TCF3: variants seen among roughly 807,000 people sequenced by gnomAD.
The protein encoded by TCF3 is transcription factor 3.
A neutral mutation model predicts 72.3 loss-of-function variants in TCF3; 54 were observed. That is an observed-to-expected ratio of 0.75 (90% CI 0.60 to 0.94). The LOEUF (loss-of-function observed/expected upper bound fraction) is 0.94, where lower values mean the gene tolerates loss of function less well. Among genes scored for constraint, TCF3 ranks in the 40% least tolerant of loss-of-function variants. TCF3 has a pLI of 0.00. For synonymous variants in TCF3, 525 were observed against 412.6 expected (o/e 1.27, Z -3.30); for missense variants, 1,078 against 934.4 (o/e 1.15, Z -2.00).
At chr19:1,633,680 T>TG (rs1184712484) in intron 3 of TCF3, among the ~76,000 whole-genome samples, 1 of 152,018 alleles carries the variant, frequency 6.6e-6, no homozygotes, top group Non-Finnish European at 1.5e-5. Context: ...TGATTATGAG[T>TG]GGGGGGCTGG....
chr19:1,619,341 G>A lies in TCF3; in HGVS notation c.1301C>T (p.Ser434Leu), dbSNP rs1374041936. 9 of 1,581,334 alleles carry A rather than the reference G, an allele frequency of 5.7e-6. No individual in the cohort carries two copies. The highest frequency in any genetic ancestry group is 3.3e-5 in the South Asian group (3 of 89,606). The change falls in exon 15 of 19, where the codon TCA becomes TTA. Residue 434 changes from serine (S) to leucine (L), a missense_variant. By Grantham distance (145) the Ser-to-Leu change is moderately radical. Coordinates refer to ENST00000262965, the MANE Select transcript of TCF3 (RefSeq NM_003200.5). ...CAGGCCTGCGTGCCGCCCGCCCAGTGACATGGGGCCGGTGAAACCTGAGGC... is the reference window on the plus strand; with the variant it reads ...CAGGCCTGCGTGCCGCCCGCCCAGTAACATGGGGCCGGTGAAACCTGAGGC... ...ALASGFTGPMSLGGRHAGLVG... is the reference protein window; with the variant it reads ...ALASGFTGPMLLGGRHAGLVG...
chr19:1,622,124 G>C lies in TCF3; in HGVS notation c.752C>G (p.Pro251Arg), dbSNP rs2062313596. 9 of 1,597,580 alleles carry C rather than the reference G, an allele frequency of 5.6e-6. No individual in the cohort carries two copies. In the Admixed American group the frequency reaches 1.4e-4, roughly 24 times the overall value. Residue 251 changes from proline (P) to arginine (R), a missense_variant, in exon 10 of 19, where the codon CCC becomes CGC. Transcript: ENST00000262965. ...GGGSSPLPLP[P>R]GSGPVGSSGS... is the part of the protein sequence containing the mutation. ...ACTGCTGCCCACCGGGCCGCTACCGGGCGGGAGGGGCAGCGGGGATGAGCC... is the reference window on the plus strand; with the variant it reads ...ACTGCTGCCCACCGGGCCGCTACCGCGCGGGAGGGGCAGCGGGGATGAGCC...
At position 1,609,410 on chromosome 19, in the gene TCF3, G is replaced by A. The variant is rs1178963275; in HGVS notation, c.*2297C>T. ...ATCATCCAGCCAGCTGTGTTGACAC[G>A]TATACAATTATTTTCTTTAAAAAAA... On this transcript the variant is annotated 3_prime_UTR_variant, in exon 19 of 19. Coordinates refer to ENST00000262965, the MANE Select transcript of TCF3 (RefSeq NM_003200.5). The A allele has an allele frequency of 3.9e-5, 8 of 206,404 alleles. No homozygotes were observed. Among genetic ancestry groups the A allele is most frequent in the South Asian group, 1.9e-4 (1 of 5,302 alleles). 12.8% of individuals were successfully genotyped at this position (206,404 alleles called of 1,614,324 possible). A position where few individuals can be genotyped will look rare whatever the true frequency, so the allele number is the denominator to read the frequency against.
At chr19:1,627,495 G>A (rs1292586547) in intron 5 of TCF3, 69 bp from the exon 6 acceptor site, 1 of 1,426,670 alleles carries the variant, frequency 7.0e-7, no homozygotes, top group Non-Finnish European at 9.8e-7. Context: ...CCGAGTGCCT[G>A]CCATGTGCCT....
At chr19:1,646,602 A>T (rs2066138261) in intron 2 of TCF3, among the ~76,000 whole-genome samples, 175 bp from the exon 3 acceptor site, 1 of 151,882 alleles carries the variant, frequency 6.6e-6, no homozygotes, top group Non-Finnish European at 1.5e-5. Flanking sequence ...GACTCTGAGG[A>T]CTCGCGTGCC....
At chr19:1,650,117 C>A in intron 2 of TCF3, 60 bp downstream of exon 2, 3 of 1,478,384 alleles carry the variant, frequency 2.0e-6, no homozygotes, top group Non-Finnish European at 2.8e-6. Context: ...CCCCTGAAAA[C>A]CTTCCCGTGA....
intron 5 of TCF3, among the ~76,000 whole-genome samples, chr19:1,628,607 G>T (rs1308726293): frequency 8.9e-5 from 1 of 11,242 alleles, no homozygotes; most frequent in Non-Finnish European, 1.4e-4. Flanking sequence ...CAGGGGGTGA[G>T]GCGGGAAGGG....
intron 3 of TCF3, among the ~76,000 whole-genome samples, chr19:1,633,423 C>T (rs531919043): frequency 6.6e-6 from 1 of 152,152 alleles, no homozygotes; most frequent in Non-Finnish European, 1.5e-5. Context: ...TGTCTGTGAC[C>T]GGCACCACCT....
rs978297241 is a variant in TCF3 at position 1,622,138 on chromosome 19, C to T, written c.738G>A (p.Pro246=). The part of the protein sequence containing the change: ...FGPMLGGGSS[P]LPLPPGSGPV... ...GGCCGCTACCGGGCGGGAGGGGCAG[C>T]GGGGATGAGCCCCCACCCAGCATGG... The change falls in exon 10 of 19, where the codon CCG becomes CCA. Residue 246 remains proline (P), a synonymous_variant. Transcript: ENST00000262965. The T allele has an allele frequency of 1.9e-5, 30 of 1,587,576 alleles. No homozygotes were observed. Among genetic ancestry groups the T allele is most frequent in the Non-Finnish European group, 2.5e-5 (29 of 1,169,484 alleles).
In TCF3 at chr19:1,627,340, C is replaced by A. The variant is rs1321529079; in HGVS notation, c.366+19G>T. On this transcript the variant is annotated intron_variant, in intron 6 of 18. Transcript: ENST00000262965. ...TGTTTAAAATCAAAATACACCCCAG[C>A]CCGGCCCGAGCCCCTCACCTGAGTC... is the stretch of plus-strand genomic sequence containing the variant. 2 of 1,599,840 alleles carry A rather than the reference C, an allele frequency of 1.3e-6. No individual in the cohort carries two copies. Among genetic ancestry groups the A allele is most frequent in the Non-Finnish European group, 8.5e-7 (1 of 1,173,464 alleles).
chr19:1,612,268 G>C lies in TCF3; in HGVS notation c.1823-419C>G. On this transcript the variant is annotated intron_variant, in intron 18 of 18. Coordinates refer to ENST00000262965, the MANE Select transcript of TCF3 (RefSeq NM_003200.5). ...CGGCCTGCTGCAGGATGAGCAGCTTGGTCTGCGCTTTGTCCGACTTGAGGT... is the reference window on the plus strand; with the variant it reads ...CGGCCTGCTGCAGGATGAGCAGCTTCGTCTGCGCTTTGTCCGACTTGAGGT... The C allele has an allele frequency of 3.7e-6, 6 of 1,612,684 alleles. No individual in the cohort carries two copies. Among genetic ancestry groups the C allele is most frequent in the Non-Finnish European group, 5.1e-6 (6 of 1,179,076 alleles).
intron 18 of TCF3, chr19:1,612,189 C>T (rs764800633): frequency 6.4e-7 from 1 of 1,561,772 alleles, no homozygotes; most frequent in Non-Finnish European, 8.7e-7. Flanking sequence ...CTGGGGCAGC[C>T]CTGGCCGGGG....
At chr19:1,640,021 G>C (rs897496760) in intron 3 of TCF3, among the ~76,000 whole-genome samples, 2 of 152,198 alleles carry the variant, frequency 1.3e-5, no homozygotes, top group Non-Finnish European at 1.5e-5. Context: ...AAATCAACGA[G>C]AGAGAGAAAA....
chr19:1,612,718 T>G (rs1457244735), intron 18 of TCF3, among the ~76,000 whole-genome samples: 6 of 137,790 alleles, frequency 4.4e-5, no homozygotes, highest in Non-Finnish European at 7.8e-5. Context: ...ACACGGCTGG[T>G]GTGGGTGTGG....
Position 1,622,062 on chromosome 19 carries a change from C to A in TCF3, c.814G>T (p.Glu272Ter). ...CCTGCCCTGGGTCCTACCATACGCTCGTGCTGGTGCAGGCCACCAAACGTG... is the reference window on the plus strand; with the variant it reads ...CCTGCCCTGGGTCCTACCATACGCTAGTGCTGGTGCAGGCCACCAAACGTG... Reference protein sequence around the residue: ...SSTFGGLHQHERMGYQLHGAE... With the variant: ...SSTFGGLHQH The change falls in exon 10 of 19, where the codon GAG becomes TAG. Residue 272 changes from glutamate to a stop codon, truncating the protein, a stop_gained. Transcript: ENST00000262965. LOFTEE classifies it high-confidence loss of function. 1 of 1,604,832 alleles carries A rather than the reference C, an allele frequency of 6.2e-7. No homozygotes were observed. Among genetic ancestry groups the A allele is most frequent in the Non-Finnish European group, 8.5e-7 (1 of 1,177,132 alleles).
intron 3 of TCF3, among the ~76,000 whole-genome samples, chr19:1,637,785 TGTA>T (rs1393844698): frequency 6.6e-6 from 1 of 152,072 alleles, no homozygotes; most frequent in Non-Finnish European, 1.5e-5. Context: ...GGTGGGCACC[TGTA>T]GTACCAGCTA....
At chr19:1,644,411 T>C (rs1325023305) in intron 3 of TCF3, among the ~76,000 whole-genome samples, 1 of 152,174 alleles carries the variant, frequency 6.6e-6, no homozygotes, top group African/African-American at 2.4e-5. Flanking sequence ...GTCACCCCTC[T>C]GTGTCCAGGA....
At chr19:1,651,293 G>C (rs1427269543) in intron 1 of TCF3, 1 of 228,578 alleles carries the variant, frequency 4.4e-6, no homozygotes, top group Non-Finnish European at 8.7e-6. Flanking sequence ...GAGGCTGGGG[G>C]TGGGGAGGAG....
intron 1 of TCF3, chr19:1,651,146 G>A (rs948202825): frequency 4.3e-5 from 10 of 231,624 alleles, no homozygotes; most frequent in Non-Finnish European, 8.5e-5. Flanking sequence ...GGATCCACCT[G>A]CCAAGACCCA....
Sources: allele counts gnomAD v4.1 joint callset (sites outside exome capture counted in the v4.1 genomes callset), GRCh38; gene constraint gnomAD v4.1.1; transcripts MANE v1.5; gene names NCBI Gene and HGNC (gene_info 2026-07-23, HGNC 2026-07-21).